PIK3C2B: variants seen among roughly 807,000 people sequenced by gnomAD.
The protein encoded by PIK3C2B is phosphatidylinositol 4-phosphate 3-kinase C2 domain-containing subunit beta.
PIK3C2B carries 83 observed loss-of-function variants against 184.3 expected under a neutral mutation model. The observed-to-expected ratio is 0.45, with a 90% CI of 0.38 to 0.54. PIK3C2B has a LOEUF of 0.54. Among genes scored for constraint, PIK3C2B ranks in the 20% least tolerant of loss-of-function variants. The pLI, the probability that PIK3C2B is intolerant of heterozygous loss-of-function variation, is 0.00. For missense variants in PIK3C2B, 1,736 were observed against 2,113.5 expected (o/e 0.82, Z 3.50); for synonymous variants, 779 against 837.6 (o/e 0.93, Z 1.21).
At chr1:204,449,708 TG>T (rs1654186829) in intron 13 of PIK3C2B, 141 bp downstream of exon 13, 1 of 744,094 alleles carries the variant, frequency 1.3e-6, no homozygotes, top group Non-Finnish European at 2.2e-6. Context: ...GTTCTGTGCT[TG>T]GGGATCCTCT....
chr1:204,467,781 G>A (rs976578294), intron 2 of PIK3C2B, among the ~76,000 whole-genome samples: 2 of 138,970 alleles, frequency 1.4e-5, no homozygotes, highest in Non-Finnish European at 3.0e-5. Flanking sequence ...GCTGCAGTGA[G>A]CCAAGATAGC....
intron 1 of PIK3C2B, 60 bp from the exon 2 acceptor site, chr1:204,469,946 A>T: frequency 1.6e-6 from 1 of 613,852 alleles, no homozygotes; most frequent in African/African-American, 1.9e-5. Flanking sequence ...AATCATCCAT[A>T]ATAATCCAAT....
At chr1:204,474,113 T>C (rs1656520803) in intron 1 of PIK3C2B, among the ~76,000 whole-genome samples, 1 of 149,498 alleles carries the variant, frequency 6.7e-6, no homozygotes, top group South Asian at 2.2e-4. Context: ...TGCCTCAGCC[T>C]CCCGAGTAGT....
rs182545977 is a variant in PIK3C2B at position 204,426,560 on chromosome 1, C to T, written c.4588-819G>A. Among the ~76,000 whole-genome samples the T allele has an allele frequency of 2.0e-4, 30 of 152,336 alleles. 1 individual carries two copies. The highest frequency in any genetic ancestry group is 2.0e-3 in the Admixed American group (30 of 15,294). On this transcript the variant is annotated intron_variant, in intron 31 of 32. Coordinates refer to ENST00000684373, the MANE Select transcript of PIK3C2B (RefSeq NM_001377334.1). ...TTCATTCCATCCTAGCATTCCTTCT[C>T]TGCTTTATTTCTTGCCATAGCTCTT... is the stretch of plus-strand genomic sequence containing the variant.
intron 18 of PIK3C2B, 115 bp downstream of exon 18, chr1:204,443,953 T>C: frequency 1.3e-6 from 1 of 761,240 alleles, no homozygotes; most frequent in Admixed American, 2.0e-5. Flanking sequence ...ACAGGGTAAG[T>C]CAGCACATAC....
intron 27 of PIK3C2B, 68 bp from the exon 28 acceptor site, chr1:204,431,861 G>C: frequency 6.3e-7 from 1 of 1,587,022 alleles, no homozygotes; most frequent in East Asian, 2.2e-5. Context: ...TGTAGGAAAG[G>C]TCCGGAAGTG....
intron 23 of PIK3C2B, among the ~76,000 whole-genome samples, chr1:204,436,198 A>ATACC (rs1284996574): frequency 6.6e-6 from 1 of 152,178 alleles, no homozygotes; most frequent in Non-Finnish European, 1.5e-5. Context: ...CCAAGAGAAA[A>ATACC]TACCTCTAGT....
intron 23 of PIK3C2B, among the ~76,000 whole-genome samples, chr1:204,437,059 G>C (rs1270767012): frequency 6.6e-6 from 1 of 152,200 alleles, no homozygotes; most frequent in East Asian, 1.9e-4. Flanking sequence ...TAGTAACCTA[G>C]CTGGAGCATA....
rs932205991 is a variant in PIK3C2B at position 204,424,442 on chromosome 1, G to T, written c.*410C>A. 14 of 335,782 alleles carry T rather than the reference G, an allele frequency of 4.2e-5. No individual in the cohort carries two copies. In the East Asian group the frequency reaches 9.1e-4, roughly 22 times the overall value. 20.8% of individuals were successfully genotyped at this position (335,782 alleles called of 1,614,324 possible). A position where few individuals can be genotyped will look rare whatever the true frequency, so the allele number is the denominator to read the frequency against. ...CTGGGGCATAGGTACGTCCCTTCTC[G>T]CAAGGCTTCCTGTCCCAGTTAGGAC... On this transcript the variant is annotated 3_prime_UTR_variant, in exon 33 of 33. Coordinates refer to ENST00000684373, the MANE Select transcript of PIK3C2B (RefSeq NM_001377334.1).
intron 21 of PIK3C2B, 129 bp from the exon 22 acceptor site, chr1:204,440,450 G>T (rs1388471494): frequency 2.4e-6 from 2 of 843,884 alleles, no homozygotes; most frequent in Non-Finnish European, 3.5e-6. Context: ...CCCCTGACCT[G>T]CTCACTCAGC....
intron 18 of PIK3C2B, among the ~76,000 whole-genome samples, 196 bp from the exon 19 acceptor site, chr1:204,443,793 T>C (rs1653596645): frequency 6.6e-6 from 1 of 152,214 alleles, no homozygotes; most frequent in South Asian, 2.1e-4. Flanking sequence ...CCTCACTCTG[T>C]CTTTAAGTAG....
At chr1:204,480,244 C>A (rs1657017478) in intron 1 of PIK3C2B, among the ~76,000 whole-genome samples, 1 of 152,194 alleles carries the variant, frequency 6.6e-6, no homozygotes. Flanking sequence ...GCAAGCGTCT[C>A]CAATTTGTTC....
intron 23 of PIK3C2B, among the ~76,000 whole-genome samples, chr1:204,437,125 G>A (rs1675386536): frequency 6.6e-6 from 1 of 152,066 alleles, no homozygotes; most frequent in Non-Finnish European, 1.5e-5. Context: ...CAGCAGGGCT[G>A]GATTATAAAA....
chr1:204,441,667 G>A (rs3747635), intron 20 of PIK3C2B, 104 bp from the exon 21 acceptor site: 11,209 of 672,820 alleles, frequency 0.017, 350 homozygotes, highest in African/African-American at 0.067. Flanking sequence ...CGCTGCTGCC[G>A]GTCCACCCAA....
chr1:204,466,682 G>C (rs1363539898), intron 2 of PIK3C2B: 1 of 399,892 alleles, frequency 2.5e-6, no homozygotes, highest in African/African-American at 2.1e-5. Flanking sequence ...GAAGGCAAGA[G>C]AGGGAGAGAA....
At chr1:204,475,116 G>A (rs1656614075) in intron 1 of PIK3C2B, among the ~76,000 whole-genome samples, 1 of 152,086 alleles carries the variant, frequency 6.6e-6, no homozygotes, top group Admixed American at 6.5e-5. Context: ...GCCTCTTCAA[G>A]GCTTTTTCAC....
At chr1:204,451,330 G>A (rs1361808096) in intron 12 of PIK3C2B, among the ~76,000 whole-genome samples, 1 of 152,222 alleles carries the variant, frequency 6.6e-6, no homozygotes, top group Non-Finnish European at 1.5e-5. Context: ...CGTGTCTTAA[G>A]GAAAAGGGGA....
In PIK3C2B at chr1:204,455,856, C is replaced by G. The variant is rs1011554860; in HGVS notation, c.1943G>C (p.Ser648Thr). The G allele has an allele frequency of 6.2e-7, 1 of 1,609,288 alleles. No homozygotes were observed. Among genetic ancestry groups the G allele is most frequent in the Non-Finnish European group, 8.5e-7 (1 of 1,177,228 alleles). The change falls in exon 11 of 33, where the codon AGC becomes ACC. Residue 648 changes from serine to threonine, a missense_variant and splice_region_variant. Transcript: ENST00000684373. ...THRIPIIWAT[S>T]YEDFYLSCSL... ...AGCGGCTACTCAGCCCTGGGCTCAC[C>G]TGGTAGCCCAGATGATGGGGATGCG...
At chr1:204,489,150 A>C (rs1291786274) in intron 1 of PIK3C2B, among the ~76,000 whole-genome samples, 1 of 151,748 alleles carries the variant, frequency 6.6e-6, no homozygotes, top group Non-Finnish European at 1.5e-5. Context: ...CAAGCTCTTT[A>C]TTATTATTAT....
Sources: allele counts gnomAD v4.1 joint callset (sites outside exome capture counted in the v4.1 genomes callset), GRCh38; gene constraint gnomAD v4.1.1; transcripts MANE v1.5; gene names NCBI Gene and HGNC (gene_info 2026-07-23, HGNC 2026-07-21).